Variants in AGAP1 observed in about 807,000 individuals in gnomAD.
AGAP1 encodes arf-GAP with GTPase, ANK repeat and PH domain-containing protein 1.
In AGAP1, 29 loss-of-function variants were observed where a neutral mutation model predicts 105.3. The ratio of observed to expected loss-of-function variants is 0.28; its 90% CI spans 0.21 to 0.38. AGAP1 has a LOEUF of 0.38. Ranked by LOEUF, AGAP1 falls within the 10% of genes least tolerant of loss-of-function variation. The pLI is 1.00. For missense variants in AGAP1, 998 were observed against 1,165.1 expected (o/e 0.86, Z 2.09); for synonymous variants, 509 against 485.9 (o/e 1.05, Z -0.63).
chr2:235,838,404 A>C (rs1274524545), intron 9 of AGAP1, among the ~76,000 whole-genome samples: 1 of 152,208 alleles, frequency 6.6e-6, no homozygotes, highest in Non-Finnish European at 1.5e-5. Context: ...ATATGGTAGG[A>C]GGAAGAAGAG....
rs943845464 is a variant in AGAP1 at position 236,092,582 on chromosome 2, C to CG, written c.2115-27606dup. Among the ~76,000 whole-genome samples, 2 of 152,030 alleles carry CG rather than the reference C, an allele frequency of 1.3e-5. No individual in the cohort carries two copies. Among genetic ancestry groups the CG allele is most frequent in the Non-Finnish European group, 2.9e-5 (2 of 68,018 alleles). ...CTAATTTTTGTATTTTTATTAGAGA[C>CG]GGGGTTTCACCGTGTTAGCCAGGAT... On this transcript the variant is annotated intron_variant, in intron 16 of 17. Coordinates refer to ENST00000304032, the MANE Select transcript of AGAP1 (RefSeq NM_001037131.3). This position sits in a 1 kb window ranked among gnomAD's most constrained non-coding sequence, Gnocchi z 4.7.
In AGAP1 at chr2:235,901,731, A is replaced by G. The variant is rs991047558; in HGVS notation, c.1156-7007A>G. Among the ~76,000 whole-genome samples, 10 of 152,234 alleles carry G rather than the reference A, an allele frequency of 6.6e-5. No homozygotes were observed. The highest frequency in any genetic ancestry group is 2.4e-4 in the African/African-American group (10 of 41,542). On this transcript the variant is annotated intron_variant, in intron 10 of 17. Coordinates refer to ENST00000304032, the MANE Select transcript of AGAP1 (RefSeq NM_001037131.3). The surrounding 1 kb of genome is among the most constrained non-coding windows in gnomAD (Gnocchi z 4.3). ...CCCCATCTCTACTAAAACTACAGAAATTAGGTGAGCATAGGAACGTGCCTG... is the reference window on the plus strand; with the variant it reads ...CCCCATCTCTACTAAAACTACAGAAGTTAGGTGAGCATAGGAACGTGCCTG...
intron 16 of AGAP1, among the ~76,000 whole-genome samples, chr2:236,102,036 A>C (rs559512374): frequency 3.2e-4 from 49 of 151,936 alleles, no homozygotes; most frequent in Middle Eastern, 3.4e-3. Context: ...AATCCCAGCA[A>C]TTTGGGAGGC....
At chr2:235,589,034 T>A (rs74490437) in intron 1 of AGAP1, among the ~76,000 whole-genome samples, 363 of 152,134 alleles carry the variant, frequency 2.4e-3, no homozygotes, top group African/African-American at 8.6e-3. Context: ...CTTGAATAGC[T>A]CTGCCAGATT....
In AGAP1 at chr2:235,901,564, G is replaced by A. The variant is rs2051067252; in HGVS notation, c.1156-7174G>A. Among the ~76,000 whole-genome samples the A allele has an allele frequency of 6.6e-6, 1 of 152,124 alleles. No homozygotes were observed. The highest frequency in any genetic ancestry group is 2.4e-5 in the African/African-American group (1 of 41,438). On this transcript the variant is annotated intron_variant, in intron 10 of 17. Transcript: ENST00000304032. This position sits in a 1 kb window ranked among gnomAD's most constrained non-coding sequence, Gnocchi z 4.3. Reference sequence around the variant, plus strand: ...CTAGACTAGTGGTTCTCAAGACTTTGGGCTCAGGACCCCTTTATCTTTTTA... The same window carrying A: ...CTAGACTAGTGGTTCTCAAGACTTTAGGCTCAGGACCCCTTTATCTTTTTA...
intron 10 of AGAP1, among the ~76,000 whole-genome samples, chr2:235,895,108 G>A (rs1225878294): frequency 6.6e-6 from 1 of 152,220 alleles, no homozygotes; most frequent in Non-Finnish European, 1.5e-5. Context: ...GTGCAGGCCT[G>A]CATTTTTGCT....
intron 9 of AGAP1, among the ~76,000 whole-genome samples, chr2:235,876,126 T>C (rs1031267281): frequency 1.3e-5 from 2 of 152,214 alleles, no homozygotes; most frequent in Admixed American, 1.3e-4. Context: ...GCCTTCTGTA[T>C]CTTTACTTCA....
chr2:236,054,151 A>T (rs2057986404), intron 16 of AGAP1, among the ~76,000 whole-genome samples: 1 of 152,202 alleles, frequency 6.6e-6, no homozygotes, highest in African/African-American at 2.4e-5. Context: ...TTATTTATGC[A>T]CATGGAGATA....
Position 235,581,134 on chromosome 2 carries a change from CAAAAAA to C in AGAP1, c.163+86305_163+86310del, listed in dbSNP as rs60330965. Among the ~76,000 whole-genome samples, 183 of 88,214 alleles carry C rather than the reference CAAAAAA, an allele frequency of 2.1e-3. 2 individuals are homozygous for C. The highest frequency in any genetic ancestry group is 0.012 in the South Asian group (32 of 2,712). 57.9% of individuals were successfully genotyped at this position (88,214 alleles called of 152,430 possible). ...CAACATGGTGAAACCCCATCTCAAG[CAAAAAA>C]AAAAAAAAAAAAAAAAAAATGCCGG... On this transcript the variant is annotated intron_variant, in intron 1 of 17. Transcript: ENST00000304032.
rs78305644 is a variant in AGAP1 at position 235,607,011 on chromosome 2, A to G, written c.164-102168A>G. Among the ~76,000 whole-genome samples the G allele has an allele frequency of 6.4e-3, 971 of 151,636 alleles. 10 individuals are homozygous for G. The highest frequency in any genetic ancestry group is 0.023 in the African/African-American group (948 of 41,278). On this transcript the variant is annotated intron_variant, in intron 1 of 17. Coordinates refer to ENST00000304032, the MANE Select transcript of AGAP1 (RefSeq NM_001037131.3). ...TTATAATTGTTTACGAACCTGTTTC[A>G]CACATATTATCTCATCTGGCCCATG...
intron 6 of AGAP1, among the ~76,000 whole-genome samples, chr2:235,768,839 C>T (rs1014156348): frequency 6.6e-6 from 1 of 152,176 alleles, no homozygotes; most frequent in African/African-American, 2.4e-5. Flanking sequence ...GGCCAGGCCC[C>T]AGTTTGGCCA....
rs1380383722 is a variant in AGAP1, at chr2:235,577,345, A to G, written c.163+82496A>G. The stretch of plus-strand genomic sequence containing the variant: ...TCATCGCACATTTCAATTCGGCCAC[A>G]TTTTAGTGCTCAGTAGCACCTGTGG... On this transcript the variant is annotated intron_variant, in intron 1 of 17. Coordinates refer to ENST00000304032, the MANE Select transcript of AGAP1 (RefSeq NM_001037131.3). This position sits in a 1 kb window ranked among gnomAD's most constrained non-coding sequence, Gnocchi z 4.5. Among the ~76,000 whole-genome samples the G allele has an allele frequency of 2.6e-5, 4 of 152,168 alleles. No individual in the cohort carries two copies. Among genetic ancestry groups the G allele is most frequent in the Admixed American group, 1.3e-4 (2 of 15,280 alleles).
chr2:235,727,303 G>A (rs1206649923), intron 3 of AGAP1, among the ~76,000 whole-genome samples: 1 of 152,056 alleles, frequency 6.6e-6, no homozygotes, highest in Non-Finnish European at 1.5e-5. Flanking sequence ...TGTGTCTTCA[G>A]GGTTTGTCCG....
intron 6 of AGAP1, among the ~76,000 whole-genome samples, chr2:235,772,115 C>T (rs931250505): frequency 6.6e-6 from 1 of 151,694 alleles, no homozygotes; most frequent in Non-Finnish European, 1.5e-5. Flanking sequence ...TTGCCTCAGC[C>T]TCCCAAGTAG....
At chr2:235,541,376 C>CTTTTTTTTTTTT (rs556785424) in intron 1 of AGAP1, among the ~76,000 whole-genome samples, 28 of 91,090 alleles carry the variant, frequency 3.1e-4, no homozygotes, top group Non-Finnish European at 4.5e-4. Flanking sequence ...CATTCTTATT[C>CTTTTTTTTTTTT]TTTTTTTTTT....
intron 1 of AGAP1, among the ~76,000 whole-genome samples, chr2:235,584,879 G>A (rs999293883): frequency 1.5e-4 from 21 of 142,694 alleles, no homozygotes; most frequent in African/African-American, 4.8e-4. Context: ...ATTGTGTATC[G>A]TGTATCGTGG....
chr2:235,607,933 T>C (rs1215538401), intron 1 of AGAP1, among the ~76,000 whole-genome samples: 2 of 152,204 alleles, frequency 1.3e-5, no homozygotes, highest in Admixed American at 6.5e-5. Context: ...TTTGGAAATA[T>C]GTTAGACCAA....
rs1419418997 is a variant in AGAP1, at chr2:235,701,485, G to A, written c.164-7694G>A. Among the ~76,000 whole-genome samples the A allele has an allele frequency of 2.0e-5, 3 of 152,178 alleles. No individual in the cohort carries two copies. Among genetic ancestry groups the A allele is most frequent in the African/African-American group, 7.2e-5 (3 of 41,436 alleles). ...TGGCAAGGTCAGGGGATGCTGTCCGGACATGTCAGGATGGGAAACTGTCTT... is the reference window on the plus strand; with the variant it reads ...TGGCAAGGTCAGGGGATGCTGTCCGAACATGTCAGGATGGGAAACTGTCTT... On this transcript the variant is annotated intron_variant, in intron 1 of 17. Transcript: ENST00000304032. This position sits in a 1 kb window ranked among gnomAD's most constrained non-coding sequence, Gnocchi z 4.1.
intron 9 of AGAP1, among the ~76,000 whole-genome samples, chr2:235,873,199 C>T (rs1273509918): frequency 6.6e-6 from 1 of 152,214 alleles, no homozygotes; most frequent in African/African-American, 2.4e-5. Flanking sequence ...GACTGAAATT[C>T]TCTGATTCCC....
Sources: gnomAD v4.1 joint callset for allele counts (sites outside exome capture counted in the v4.1 genomes callset) on GRCh38, gnomAD v4.1.1 for gene constraint, Gnocchi (gnomAD v3.1) non-coding constraint, MANE v1.5 for transcripts, NCBI Gene and HGNC (gene_info 2026-07-23, HGNC 2026-07-21) for gene names.